Variants in LFNG observed in about 807,000 individuals in gnomAD.
LFNG encodes the protein beta-1,3-N-acetylglucosaminyltransferase lunatic fringe.
LFNG carries 15 observed loss-of-function variants against 32.7 expected under a neutral mutation model. The ratio of observed to expected loss-of-function variants is 0.46; its 90% confidence interval spans 0.31 to 0.71. The LOEUF (loss-of-function observed/expected upper bound fraction) is 0.71. Ranked by LOEUF, LFNG falls within the 30% of genes least tolerant of loss-of-function variation. The pLI, the probability that LFNG is intolerant of heterozygous loss-of-function variation, is 0.06. For missense variants in LFNG, 520 were observed against 545.7 expected (o/e 0.95, Z 0.47); for synonymous variants, 274 against 246.8 (o/e 1.11, Z -1.03).
upstream of LFNG, chr7:2,518,479 A>T: frequency 1.2e-6 from 1 of 855,456 alleles, no homozygotes. Context: ...AGAGGGTCTG[A>T]CAGTGGGGCC....
Position 2,520,118 on chromosome 7 carries a change from G to A in LFNG, c.257G>A (p.Arg86Lys). Residue 86 changes from arginine to lysine, a missense_variant, in exon 1 of 8, where the codon AGA becomes AAA. By Grantham distance (26) the Arg-to-Lys change is conservative (BLOSUM62 2). Transcript: ENST00000222725. The surrounding 1 kb of genome is among the most constrained non-coding windows in gnomAD (Gnocchi z 5.0). The part of the protein sequence containing the change: ...EYFSLLTRAR[R>K]DAGPPPGAAP... ...TTCAGCCTGCTCACCCGCGCGCGCAGAGATGCGGGCCCGCCGCCCGGGGCT... is the reference window on the plus strand; with the variant it reads ...TTCAGCCTGCTCACCCGCGCGCGCAAAGATGCGGGCCCGCCGCCCGGGGCT... 3.0e-6 allele frequency: 4 copies of A among 1,352,920 alleles called. No individual in the cohort carries two copies. The highest frequency in any genetic ancestry group is 2.9e-6 in the Non-Finnish European group (3 of 1,042,778). The allele number at this position is 1,352,920 out of a possible 1,614,324, so 83.8% of individuals were successfully genotyped here.
intron 1 of LFNG, 170 bp from the exon 2 acceptor site, chr7:2,524,525 A>C: frequency 1.5e-6 from 1 of 688,350 alleles, no homozygotes; most frequent in Non-Finnish European, 2.7e-6. Flanking sequence ...GAGATGGGGC[A>C]CTTGAGCCCT....
At position 2,520,592 on chromosome 7, in the gene LFNG, C is replaced by T. The variant is rs1185878794; in HGVS notation, c.432+299C>T. On this transcript the variant is annotated intron_variant, in intron 1 of 7. Coordinates refer to ENST00000222725, the MANE Select transcript of LFNG (RefSeq NM_001040167.2). The surrounding 1 kb of genome is among the most constrained non-coding windows in gnomAD (Gnocchi z 5.0). ...GTTGGTGCCCTGTGATACTTCTCAC[C>T]CCGTAAACATTGGAGCGCATTCATA... Among the ~76,000 whole-genome samples the T allele has an allele frequency of 6.6e-6, 1 of 152,236 alleles. No individual in the cohort carries two copies. The highest frequency in any genetic ancestry group is 2.4e-5 in the African/African-American group (1 of 41,460).
chr7:2,524,981 G>T (rs556190978), intron 2 of LFNG, among the ~76,000 whole-genome samples: 1 of 152,250 alleles, frequency 6.6e-6, no homozygotes, highest in African/African-American at 2.4e-5. Flanking sequence ...GCAACAGGTG[G>T]CGGGTGCTGG....
chr7:2,521,099 A>G (rs1779775163), intron 1 of LFNG, among the ~76,000 whole-genome samples: 1 of 152,028 alleles, frequency 6.6e-6, no homozygotes, highest in Non-Finnish European at 1.5e-5. Flanking sequence ...GGCTCAGGGA[A>G]GACCCTGCAC....
exon 1 of LFNG, chr7:2,512,621 C>A: frequency 6.2e-7 from 1 of 1,611,066 alleles, no homozygotes; most frequent in Non-Finnish European, 8.5e-7. Flanking sequence ...CAGCTTCCTC[C>A]CTCCCTGGCC....
At chr7:2,512,817 T>TCA in intron 1 of LFNG, 1 of 907,860 alleles carries the variant, frequency 1.1e-6, no homozygotes, top group Non-Finnish European at 1.8e-6. Flanking sequence ...ACCTAGATCC[T>TCA]CAGGCTTCTC....
At chr7:2,512,547 G>C in exon 1 of LFNG, 1 of 967,866 alleles carries the variant, frequency 1.0e-6, no homozygotes, top group Non-Finnish European at 1.6e-6. Context: ...CTGCAACACT[G>C]GCAGAGCCTC....
At chr7:2,525,167 C>T in intron 2 of LFNG, 52 bp from the exon 3 acceptor site, 1 of 1,510,968 alleles carries the variant, frequency 6.6e-7, no homozygotes, top group Non-Finnish European at 9.2e-7. Context: ...CAGGCCAGGC[C>T]CCTCTCTGGG....
chr7:2,524,842 A>AAGGGCAGGACAGGG (rs963994692), intron 2 of LFNG, 99 bp downstream of exon 2: 5 of 1,169,860 alleles, frequency 4.3e-6, no homozygotes, highest in Non-Finnish European at 3.7e-6. Context: ...AGAGGTCACC[A>AAGGGCAGGACAGGG]AGGGCAGGAC....
upstream of LFNG, chr7:2,517,724 C>T (rs530886518): frequency 3.6e-5 from 18 of 502,748 alleles, no homozygotes; most frequent in Non-Finnish European, 4.9e-5. Context: ...GAGCACAACC[C>T]GTGCACATAT....
At chr7:2,528,804 T>C, downstream of LFNG, 1 of 644,712 alleles carries the variant, frequency 1.6e-6, no homozygotes, top group South Asian at 1.7e-5. Context: ...TGACCGGGCC[T>C]GGGGCCTCCT....
At chr7:2,525,863 C>T (rs111674401) in intron 5 of LFNG, 93 bp downstream of exon 5, 4 of 1,099,964 alleles carry the variant, frequency 3.6e-6, no homozygotes, top group African/African-American at 1.5e-5. Flanking sequence ...ATGGGGTGTC[C>T]CCAGCCTCCT....
chr7:2,518,730 G>A, upstream of LFNG: 2 of 1,262,550 alleles, frequency 1.6e-6, no homozygotes. Flanking sequence ...ACCCTGCTTA[G>A]GAGGGCACGG....
chr7:2,528,631 C>T (rs934736675), downstream of LFNG, among the ~76,000 whole-genome samples: 1 of 152,128 alleles, frequency 6.6e-6, no homozygotes, highest in African/African-American at 2.4e-5. Context: ...GTGCGGCCCA[C>T]CCAGGGTCAG....
chr7:2,518,400 G>A (rs1421553645), upstream of LFNG: 3 of 671,900 alleles, frequency 4.5e-6, no homozygotes, highest in Admixed American at 2.2e-5. Context: ...CACCCAGCGG[G>A]TACAGGGGCT....
chr7:2,523,563 G>A (rs896000480), intron 1 of LFNG: 3 of 152,242 alleles, frequency 2.0e-5, no homozygotes, highest in Non-Finnish European at 2.9e-5. Flanking sequence ...CGGGCGGCAC[G>A]CGCTGGGCGG....
chr7:2,525,900 T>C (rs1779954856), intron 5 of LFNG, 130 bp downstream of exon 5: 3 of 828,880 alleles, frequency 3.6e-6, no homozygotes, highest in East Asian at 5.3e-5. Flanking sequence ...TTACTTCCTA[T>C]ATTCCACTTC....
At chr7:2,513,215 A>T (rs774287036), upstream of LFNG, 1 of 1,612,664 alleles carries the variant, frequency 6.2e-7, no homozygotes, top group Admixed American at 1.7e-5. Flanking sequence ...TGAGCACATG[A>T]AATGGATGGA....
Sources: allele counts gnomAD v4.1 joint callset (sites outside exome capture counted in the v4.1 genomes callset), GRCh38; gene constraint gnomAD v4.1.1; non-coding constraint Gnocchi (gnomAD v3.1); transcripts MANE v1.5; gene names NCBI Gene and HGNC (gene_info 2026-07-23, HGNC 2026-07-21).